The following NME5 variants were observed in gnomAD, a reference collection of about 807,000 sequenced individuals.
NME5 encodes the protein NME/NM23 family member 5.
NME5 carries 18 observed loss-of-function variants against 21.6 expected under a neutral mutation model. The observed-to-expected ratio is 0.83, with a 90% confidence interval of 0.58 to 1.24. The LOEUF (loss-of-function observed/expected upper bound fraction) is 1.24, where lower values mean the gene tolerates loss of function less well. Among genes scored for constraint, NME5 ranks in the 50% most tolerant of loss-of-function variants. NME5 has a pLI of 0.00. For missense variants in NME5, 223 were observed against 255.4 expected, an observed-to-expected ratio of 0.87 and a Z score of 0.86; for synonymous variants, 70 against 80.6, an observed-to-expected ratio of 0.87 and a Z score of 0.71.
intron 2 of NME5, among the ~76,000 whole-genome samples, chr5:138,129,730 G>T (rs944123353): frequency 1.3e-5 from 2 of 152,190 alleles, no homozygotes; most frequent in African/African-American, 4.8e-5. Context: ...GGCCGAGGTC[G>T]GTGGATTGCC....
chr5:138,139,123 G>A (rs1304502763), intron 1 of NME5: 3 of 171,526 alleles, frequency 1.7e-5, no homozygotes, highest in African/African-American at 7.2e-5. Flanking sequence ...TGGGGCGGGT[G>A]GTGGGGGCTC....
At chr5:138,120,528 G>A (rs1296357932) in intron 4 of NME5, among the ~76,000 whole-genome samples, 3 of 152,054 alleles carry the variant, frequency 2.0e-5, no homozygotes, top group African/African-American at 4.8e-5. Context: ...ATGAGCCACC[G>A]CGCCCAGCCT....
At chr5:138,121,032 T>G (rs956574738) in intron 4 of NME5, among the ~76,000 whole-genome samples, 6 of 151,982 alleles carry the variant, frequency 3.9e-5, no homozygotes, top group Non-Finnish European at 5.9e-5. Context: ...CTATATAATA[T>G]ACATATATTA....
rs767814233 is a variant in NME5 at position 138,138,687 on chromosome 5, C to A, written c.94G>T (p.Asp32Tyr). The change falls in exon 2 of 6, where the codon GAT becomes TAT. Residue 32 changes from aspartate (D) to tyrosine (Y), a missense_variant. Coordinates refer to ENST00000265191, the MANE Select transcript of NME5 (RefSeq NM_003551.3). ...DIVDKEEEIQ[D>Y]IILRSGFTIV... Reference sequence around the variant, plus strand: ...GTGAATCCGGATCTAAGAATAATATCTTGTATCTCCTCCTCTTTGTCAACA... The same window carrying A: ...GTGAATCCGGATCTAAGAATAATATATTGTATCTCCTCCTCTTTGTCAACA... The A allele has an allele frequency of 9.3e-6, 15 of 1,612,588 alleles. No homozygotes were observed. The highest frequency in any genetic ancestry group is 1.1e-5 in the Non-Finnish European group (13 of 1,179,510).
intron 4 of NME5, among the ~76,000 whole-genome samples, chr5:138,124,619 C>A (rs921304789): frequency 4.6e-5 from 7 of 152,162 alleles, no homozygotes; most frequent in African/African-American, 1.7e-4. Context: ...CTGCTGGGCT[C>A]AAGTGAATCT....
chr5:138,118,868 G>A lies in NME5; in HGVS notation c.505C>T (p.Leu169=), dbSNP rs768774098. ...DYLNLHIMPT[L]LEGLTELCKQ... ...CAAAGCTCTGTGAGTCCTTCAAGCAGAGTTGGCATTATATGTAAATTTAAA... is the reference window on the plus strand; with the variant it reads ...CAAAGCTCTGTGAGTCCTTCAAGCAAAGTTGGCATTATATGTAAATTTAAA... The change falls in exon 5 of 6, where the codon CTG becomes TTG. Residue 169 remains leucine, a synonymous_variant. Coordinates refer to ENST00000265191, the MANE Select transcript of NME5 (RefSeq NM_003551.3). 33 of 1,613,666 alleles carry A rather than the reference G, an allele frequency of 2.0e-5. 3 individuals carry two copies. The Admixed American group carries it at 2.5e-4, about 12-fold the overall frequency.
chr5:138,132,211 T>C (rs926390017), intron 2 of NME5, among the ~76,000 whole-genome samples: 3 of 151,916 alleles, frequency 2.0e-5, no homozygotes, highest in South Asian at 2.1e-4. Context: ...AATACAAAAA[T>C]TGGTGGTGCA....
At chr5:138,133,963 C>T (rs1251659770) in intron 2 of NME5, among the ~76,000 whole-genome samples, 4 of 152,132 alleles carry the variant, frequency 2.6e-5, no homozygotes, top group Non-Finnish European at 4.4e-5. Context: ...CACTTAAAAA[C>T]GGTTAAAATG....
At chr5:138,123,158 A>G (rs1266914221) in intron 4 of NME5, 1 of 152,220 alleles carries the variant, frequency 6.6e-6, no homozygotes, top group East Asian at 1.9e-4. Flanking sequence ...TTTATTGTGT[A>G]CATGTTGTTT....
intron 2 of NME5, among the ~76,000 whole-genome samples, chr5:138,135,482 G>A (rs1581387821): frequency 6.6e-6 from 1 of 151,492 alleles, no homozygotes; most frequent in South Asian, 2.1e-4. Flanking sequence ...TTACAGGCAC[G>A]TGCCACCACA....
intron 1 of NME5, 27 bp from the exon 2 acceptor site, chr5:138,138,812 C>T: frequency 6.3e-7 from 1 of 1,589,370 alleles, no homozygotes; most frequent in Non-Finnish European, 8.5e-7. Flanking sequence ...TTAAGAGTTT[C>T]TTAACAGGTA....
At chr5:138,134,069 A>G (rs1480669572) in intron 2 of NME5, among the ~76,000 whole-genome samples, 1 of 152,164 alleles carries the variant, frequency 6.6e-6, no homozygotes, top group African/African-American at 2.4e-5. Flanking sequence ...AACTAGGGAA[A>G]GTGTCATATA....
intron 5 of NME5, among the ~76,000 whole-genome samples, chr5:138,117,743 G>A (rs1202572115): frequency 6.6e-6 from 1 of 152,096 alleles, no homozygotes; most frequent in Admixed American, 6.6e-5. Context: ...AGCACTTTGG[G>A]AGGCCAAGGC....
At chr5:138,138,829 G>A in intron 1 of NME5, 44 bp from the exon 2 acceptor site, 2 of 1,551,562 alleles carry the variant, frequency 1.3e-6, no homozygotes, top group South Asian at 1.2e-5. Context: ...GGTATCAACT[G>A]CAATGACATG....
intron 2 of NME5, among the ~76,000 whole-genome samples, chr5:138,132,472 C>T (rs1056231711): frequency 6.6e-6 from 1 of 152,068 alleles, no homozygotes; most frequent in Admixed American, 6.6e-5. Context: ...CCTCTGCCTG[C>T]AGTAAGGATG....
chr5:138,123,050 T>C (rs968649367), intron 4 of NME5: 2 of 152,136 alleles, frequency 1.3e-5, no homozygotes, highest in East Asian at 3.9e-4. Context: ...CATCCTTGCA[T>C]AGGGGCCAAG....
chr5:138,135,582 G>A (rs1035245771), intron 2 of NME5, among the ~76,000 whole-genome samples: 2 of 151,888 alleles, frequency 1.3e-5, no homozygotes, highest in African/African-American at 4.8e-5. Context: ...TGATCCACCC[G>A]CCTTGGCCTC....
At chr5:138,126,250 G>T (rs1013853337) in intron 4 of NME5, among the ~76,000 whole-genome samples, 1 of 152,102 alleles carries the variant, frequency 6.6e-6, no homozygotes, top group Non-Finnish European at 1.5e-5. Flanking sequence ...AGTGGCTCAT[G>T]CCTGTAATCC....
chr5:138,126,763 C>T (rs376719325), intron 4 of NME5, among the ~76,000 whole-genome samples: 2 of 151,768 alleles, frequency 1.3e-5, no homozygotes, highest in South Asian at 2.1e-4. Context: ...GCCTGGGCAA[C>T]GTAGTGAGAT....
Sources: gnomAD v4.1 joint callset for allele counts (sites outside exome capture counted in the v4.1 genomes callset) on GRCh38, gnomAD v4.1.1 for gene constraint, MANE v1.5 for transcripts, NCBI Gene and HGNC (gene_info 2026-07-23, HGNC 2026-07-21) for gene names.